KCNB2: variants seen among roughly 807,000 people sequenced by gnomAD.
KCNB2 encodes delayed rectifier potassium channel protein.
KCNB2 carries 15 observed loss-of-function variants against 61.5 expected under a neutral mutation model. The observed-to-expected ratio is 0.24, with a 90% confidence interval of 0.16 to 0.38. The LOEUF (loss-of-function observed/expected upper bound fraction) is 0.38. Ranked by LOEUF, KCNB2 falls within the 10% of genes least tolerant of loss-of-function variation. The pLI is 1.00. For synonymous variants in KCNB2, 457 were observed against 446.0 expected (o/e 1.02, Z -0.31); for missense variants, 828 against 1,125.2 (o/e 0.74, Z 3.78).
At chr8:72,870,364 A>T (rs551314284) in intron 2 of KCNB2, among the ~76,000 whole-genome samples, 25 of 152,270 alleles carry the variant, frequency 1.6e-4, no homozygotes, top group Middle Eastern at 3.4e-3. Flanking sequence ...AATACATTTT[A>T]AAAAAACATA....
intron 2 of KCNB2, among the ~76,000 whole-genome samples, chr8:72,700,993 A>G (rs980538502): frequency 1.3e-5 from 2 of 152,142 alleles, no homozygotes; most frequent in African/African-American, 2.4e-5. Flanking sequence ...AGAATACCAC[A>G]TGTTCTCACT....
chr8:72,915,500 A>T (rs998906174), intron 2 of KCNB2, among the ~76,000 whole-genome samples: 7 of 152,204 alleles, frequency 4.6e-5, no homozygotes, highest in Non-Finnish European at 1.5e-5. Flanking sequence ...AGGGAGTTCG[A>T]TGTAGAGCTT....
chr8:72,678,438 C>G (rs567552244), intron 2 of KCNB2, among the ~76,000 whole-genome samples: 66 of 151,060 alleles, frequency 4.4e-4, no homozygotes, highest in African/African-American at 1.6e-3. Context: ...CCAATCTGGC[C>G]TCTTTGCTTC....
chr8:72,735,328 A>G (rs1807824570), intron 2 of KCNB2, among the ~76,000 whole-genome samples: 1 of 152,170 alleles, frequency 6.6e-6, no homozygotes, highest in South Asian at 2.1e-4. Context: ...TTAGAATCAC[A>G]TCATTTCCCA....
intron 2 of KCNB2, among the ~76,000 whole-genome samples, chr8:72,847,088 C>G (rs1390078770): frequency 6.6e-6 from 1 of 152,132 alleles, no homozygotes. Flanking sequence ...GTTGGAAATG[C>G]AGAAATCACC....
chr8:72,842,154 A>AT (rs1809903004), intron 2 of KCNB2, among the ~76,000 whole-genome samples: 3 of 152,052 alleles, frequency 2.0e-5, no homozygotes, highest in Non-Finnish European at 4.4e-5. Context: ...GGGGTGTTGA[A>AT]TTTTGTCAAA....
chr8:72,914,250 A>G (rs995928145), intron 2 of KCNB2, among the ~76,000 whole-genome samples: 2 of 152,188 alleles, frequency 1.3e-5, no homozygotes, highest in African/African-American at 4.8e-5. Context: ...CCCCCATTCT[A>G]ATACAGTCAC....
At chr8:72,644,514 T>G (rs1438741297) in intron 2 of KCNB2, among the ~76,000 whole-genome samples, 1 of 152,152 alleles carries the variant, frequency 6.6e-6, no homozygotes, top group African/African-American at 2.4e-5. Flanking sequence ...TCCTGTAGCT[T>G]TAGAAAAGCC....
intron 2 of KCNB2, among the ~76,000 whole-genome samples, chr8:72,717,557 T>C (rs1049231488): frequency 2.8e-4 from 42 of 152,210 alleles, no homozygotes; most frequent in Non-Finnish European, 4.7e-4. Flanking sequence ...AAACAAGCAA[T>C]GGGGAAAGGA....
At chr8:72,632,478 CT>C (rs1805897111) in intron 2 of KCNB2, among the ~76,000 whole-genome samples, 1 of 152,104 alleles carries the variant, frequency 6.6e-6, no homozygotes, top group Admixed American at 6.5e-5. Flanking sequence ...GAACTATTTA[CT>C]CTCTGGCCAT....
chr8:72,890,699 G>A (rs1319348896), intron 2 of KCNB2, among the ~76,000 whole-genome samples: 1 of 152,130 alleles, frequency 6.6e-6, no homozygotes, highest in Non-Finnish European at 1.5e-5. Context: ...AAATCACTGA[G>A]GCTCAGAGAA....
intron 2 of KCNB2, among the ~76,000 whole-genome samples, chr8:72,583,027 G>A (rs1018241414): frequency 1.3e-5 from 2 of 151,908 alleles, no homozygotes; most frequent in Admixed American, 6.6e-5. Flanking sequence ...TAGGGGAACT[G>A]ACTTTCATTG....
intron 2 of KCNB2, among the ~76,000 whole-genome samples, chr8:72,648,633 T>C (rs544773535): frequency 1.3e-5 from 2 of 151,884 alleles, no homozygotes; most frequent in Non-Finnish European, 2.9e-5. Flanking sequence ...AAATTTATAT[T>C]AATGAATGAA....
At chr8:72,730,137 G>C (rs1563573373) in intron 2 of KCNB2, among the ~76,000 whole-genome samples, 1 of 152,064 alleles carries the variant, frequency 6.6e-6, no homozygotes. Context: ...CCTGAGGGGA[G>C]AACTTATGCT....
chr8:72,599,631 A>G (rs1200185497), intron 2 of KCNB2, among the ~76,000 whole-genome samples: 1 of 152,218 alleles, frequency 6.6e-6, no homozygotes. Flanking sequence ...CTGCACAGCA[A>G]AAGAAACTAC....
Position 72,567,731 on chromosome 8 carries a change from CA to C in KCNB2, c.1del. 1 of 1,548,476 alleles carries C rather than the reference CA, an allele frequency of 6.5e-7. No homozygotes were observed. The highest frequency in any genetic ancestry group is 8.7e-7 in the Non-Finnish European group (1 of 1,151,020). On this transcript the variant is annotated 5_prime_UTR_variant, in exon 2 of 3. Transcript: ENST00000523207. ...CCTGGCTCTGCGGCTTTGTCCAGTT[CA>C]AAATGGCAGAAAAGGCTCCCCCGGG... is the stretch of plus-strand genomic sequence containing the variant.
chr8:72,903,582 AAAAT>A (rs1011919014), intron 2 of KCNB2, among the ~76,000 whole-genome samples: 3 of 152,192 alleles, frequency 2.0e-5, no homozygotes, highest in African/African-American at 4.8e-5. Flanking sequence ...CCTTGGCTCA[AAAAT>A]AAATAAATAA....
At chr8:72,606,622 G>A (rs1585780570) in intron 2 of KCNB2, among the ~76,000 whole-genome samples, 2 of 152,136 alleles carry the variant, frequency 1.3e-5, no homozygotes, top group East Asian at 3.9e-4. Context: ...TGGTCCCTTC[G>A]GAGGCAGTTC....
intron 2 of KCNB2, among the ~76,000 whole-genome samples, chr8:72,784,746 A>C (rs946941366): frequency 1.3e-5 from 2 of 152,206 alleles, no homozygotes; most frequent in Non-Finnish European, 2.9e-5. Context: ...TTTGGACTAC[A>C]ATTCAATATG....
Sources: allele counts gnomAD v4.1 joint callset (sites outside exome capture counted in the v4.1 genomes callset), GRCh38; gene constraint gnomAD v4.1.1; transcripts MANE v1.5; gene names NCBI Gene and HGNC (gene_info 2026-07-23, HGNC 2026-07-21).